Variants in TFEC observed in about 807,000 individuals in gnomAD.
TFEC encodes class E basic helix-loop-helix protein 34.
TFEC carries 31 observed loss-of-function variants against 41.6 expected under a neutral mutation model. The observed-to-expected ratio is 0.74, with a 90% confidence interval of 0.56 to 1.01. The LOEUF (loss-of-function observed/expected upper bound fraction) is 1.01, where lower values mean the gene tolerates loss of function less well. Among genes scored for constraint, TFEC ranks in the 50% least tolerant of loss-of-function variants. The probability of loss-of-function intolerance (pLI) is 0.00; values close to 1 mark genes in which losing one functional copy is unlikely to be tolerated. For synonymous variants in TFEC, 143 were observed against 140.6 expected, an observed-to-expected ratio of 1.02 and a Z score of -0.12; for missense variants, 402 against 404.1, an observed-to-expected ratio of 0.99 and a Z score of 0.04.
intron 3 of TFEC, among the ~76,000 whole-genome samples, chr7:116,102,956 A>G (rs1464622465): frequency 1.3e-5 from 2 of 152,200 alleles, no homozygotes; most frequent in Non-Finnish European, 2.9e-5. Flanking sequence ...AAATCCAGAA[A>G]CAGTTTTAAG....
At chr7:116,127,335 G>A (rs368771162) in intron 1 of TFEC, among the ~76,000 whole-genome samples, 5 of 151,878 alleles carry the variant, frequency 3.3e-5, no homozygotes, top group African/African-American at 7.3e-5. Flanking sequence ...CCCTTGCCTC[G>A]GCCTCCCAAA....
At position 116,106,679 on chromosome 7, in the gene TFEC, C is replaced by A. The variant is rs541638704; in HGVS notation, c.198+4029G>T. On this transcript the variant is annotated intron_variant, in intron 3 of 8. Coordinates refer to the TFEC transcript ENST00000484212. ...GGGATTACAGGCATGAGCCACCGTG[C>A]CTGGCTGACTTCAGACAGTTTCAAA... is the stretch of plus-strand genomic sequence containing the variant. Among the ~76,000 whole-genome samples the A allele has an allele frequency of 1.8e-3, 276 of 152,234 alleles. 2 individuals carry two copies. The highest frequency in any genetic ancestry group is 6.4e-3 in the African/African-American group (264 of 41,534).
intron 3 of TFEC, among the ~76,000 whole-genome samples, chr7:116,045,552 C>A (rs1374529432): frequency 1.3e-5 from 2 of 152,208 alleles, no homozygotes; most frequent in Non-Finnish European, 2.9e-5. Context: ...TTGGGAACCT[C>A]TGCCTAGATT....
At chr7:116,142,830 T>C (rs1169621612) in intron 1 of TFEC, among the ~76,000 whole-genome samples, 2 of 152,174 alleles carry the variant, frequency 1.3e-5, no homozygotes, top group Admixed American at 6.6e-5. Flanking sequence ...CCATTTTTGT[T>C]AAAGCCAGCT....
rs1798067874 is a variant in TFEC at position 116,119,679 on chromosome 7, T to G, written c.-68-7641A>C. ...AAATGAGGACTATTCACCGATAATA[T>G]AAATGTAAAAATTTGAACAATTTTT... is the stretch of plus-strand genomic sequence containing the variant. On this transcript the variant is annotated intron_variant, in intron 1 of 8. Transcript: ENST00000484212. Among the ~76,000 whole-genome samples the G allele has an allele frequency of 2.0e-5, 3 of 151,900 alleles. No homozygotes were observed. The South Asian group carries it at 6.2e-4, about 31-fold the overall frequency.
At chr7:116,139,011 A>G (rs1798488070) in intron 1 of TFEC, among the ~76,000 whole-genome samples, 1 of 152,154 alleles carries the variant, frequency 6.6e-6, no homozygotes, top group Non-Finnish European at 1.5e-5. Context: ...CAGTGAGCCC[A>G]TATTACAGGA....
chr7:116,001,884 G>T (rs1794611835), intron 1 of TFEC, among the ~76,000 whole-genome samples: 1 of 151,994 alleles, frequency 6.6e-6, no homozygotes. Context: ...ATATAAAAAG[G>T]TGCTCAAAAG....
chr7:115,940,898 G>A lies in TFEC; in HGVS notation c.697C>T (p.Pro233Ser). The A allele has an allele frequency of 1.9e-6, 3 of 1,608,620 alleles. No individual in the cohort carries two copies. Among genetic ancestry groups the A allele is most frequent in the Non-Finnish European group, 2.5e-6 (3 of 1,176,632 alleles). The part of the protein sequence containing the change: ...LEIQARTHGL[P>S]TLASLGTVDL... ...ACCGTGCCAAGTGAAGCCAGGGTTG[G>A]CAGACCATGAGTACGAGCCTGAATT... The change falls in exon 8 of 8, where the codon CCA (proline) becomes TCA (serine). Residue 233 changes from proline to serine, a missense_variant. Coordinates refer to ENST00000265440, the MANE Select transcript of TFEC (RefSeq NM_012252.4).
chr7:116,036,145 T>C (rs1584432552), intron 3 of TFEC, among the ~76,000 whole-genome samples: 1 of 152,136 alleles, frequency 6.6e-6, no homozygotes, highest in Non-Finnish European at 1.5e-5. Context: ...TCTTCTATCC[T>C]GAAAATGTGC....
At chr7:116,108,448 A>C (rs528476980) in intron 3 of TFEC, among the ~76,000 whole-genome samples, 7 of 152,222 alleles carry the variant, frequency 4.6e-5, no homozygotes, top group African/African-American at 1.7e-4. Flanking sequence ...CTTTCATCGA[A>C]TTTATTTATT....
intron 3 of TFEC, among the ~76,000 whole-genome samples, chr7:116,077,603 C>T (rs571237058): frequency 4.3e-4 from 66 of 151,886 alleles, no homozygotes; most frequent in African/African-American, 1.5e-3. Flanking sequence ...CAAATGGAAA[C>T]CAAATGCAAG....
chr7:116,116,324 T>G (rs1035272613), intron 1 of TFEC, among the ~76,000 whole-genome samples: 2 of 151,912 alleles, frequency 1.3e-5, no homozygotes, highest in Non-Finnish European at 2.9e-5. Flanking sequence ...AAATATGTGA[T>G]GAACTTTCAT....
Position 115,937,555 on chromosome 7 carries a change from C to T in TFEC, c.*2996G>A, listed in dbSNP as rs927686084. 1.3e-5 allele frequency: 2 copies of T among 151,484 alleles called. No individual in the cohort carries two copies. Among genetic ancestry groups the T allele is most frequent in the African/African-American group, 4.8e-5 (2 of 41,308 alleles). The allele number at this position is 151,484 out of a possible 1,614,324, so 9.4% of individuals were successfully genotyped here. On this transcript the variant is annotated 3_prime_UTR_variant, in exon 8 of 8. Transcript: ENST00000265440. ...ACTCAGTAATTATAGTGAAACTGACCCATATATAATAAATAGAAGGCATAG... is the reference window on the plus strand; with the variant it reads ...ACTCAGTAATTATAGTGAAACTGACTCATATATAATAAATAGAAGGCATAG...
At chr7:115,975,035 A>T (rs1251442598) in intron 2 of TFEC, among the ~76,000 whole-genome samples, 1 of 152,072 alleles carries the variant, frequency 6.6e-6, no homozygotes, top group African/African-American at 2.4e-5. Context: ...AATTTGTCCC[A>T]GATTATATAG....
chr7:115,994,210 A>G (rs1220755828), intron 1 of TFEC, among the ~76,000 whole-genome samples: 1 of 152,182 alleles, frequency 6.6e-6, no homozygotes, highest in Non-Finnish European at 1.5e-5. Context: ...TTAATTCAAG[A>G]TGGATTAAAG....
At chr7:115,951,904 T>C (rs192999823) in intron 5 of TFEC, among the ~76,000 whole-genome samples, 3 of 152,196 alleles carry the variant, frequency 2.0e-5, no homozygotes, top group African/African-American at 7.2e-5. Flanking sequence ...TACTCTATAT[T>C]CCTAATATCA....
At chr7:116,062,032 C>A (rs1393133718) in intron 3 of TFEC, among the ~76,000 whole-genome samples, 1 of 150,804 alleles carries the variant, frequency 6.6e-6, no homozygotes. Context: ...CTTCCCATCC[C>A]TTCCCCTAGT....
intron 1 of TFEC, among the ~76,000 whole-genome samples, chr7:116,153,397 G>A (rs1798802728): frequency 6.6e-6 from 1 of 152,126 alleles, no homozygotes; most frequent in Non-Finnish European, 1.5e-5. Flanking sequence ...GGGATCTACA[G>A]GCATGAGCCA....
In TFEC at chr7:116,026,613, C is replaced by T. The variant is rs75218605; in HGVS notation, c.-73+4020G>A. Among the ~76,000 whole-genome samples the T allele has an allele frequency of 5.8e-3, 876 of 152,290 alleles. 6 individuals are homozygous for T. Among genetic ancestry groups the T allele is most frequent in the African/African-American group, 0.02 (822 of 41,556 alleles). ...GAAAATGGTGTCATCAGTCATGTCACTGGGCAGATTCATCCACTGGCTTAT... is the reference window on the plus strand; with the variant it reads ...GAAAATGGTGTCATCAGTCATGTCATTGGGCAGATTCATCCACTGGCTTAT... On this transcript the variant is annotated intron_variant, in intron 1 of 7. Coordinates refer to ENST00000265440, the MANE Select transcript of TFEC (RefSeq NM_012252.4).
Sources: allele counts gnomAD v4.1 joint callset (sites outside exome capture counted in the v4.1 genomes callset), GRCh38; gene constraint gnomAD v4.1.1; transcripts MANE v1.5; gene names NCBI Gene and HGNC (gene_info 2026-07-23, HGNC 2026-07-21).